Variants in SH3GLB2 observed in about 807,000 individuals in gnomAD.
SH3GLB2 encodes the protein SH3 domain containing GRB2 like, endophilin B2.
In SH3GLB2, 24 loss-of-function variants were observed where a neutral mutation model predicts 48.0. The observed-to-expected ratio is 0.50, with a 90% CI of 0.36 to 0.70. SH3GLB2 has a LOEUF of 0.70. Ranked by LOEUF, SH3GLB2 falls within the 30% of genes least tolerant of loss-of-function variation. The pLI is 0.00. For missense variants in SH3GLB2, 425 were observed against 516.0 expected (o/e 0.82, Z 1.71); for synonymous variants, 227 against 207.6 (o/e 1.09, Z -0.80).
In SH3GLB2 at chr9:129,014,856, G is replaced by A. The variant is rs200339423; in HGVS notation, c.383C>T (p.Ala128Val). ...VAEAEKQLGA[A>V]ERDFIHTASI... The stretch of plus-strand genomic sequence containing the variant: ...GGCCGTGTGGATAAAATCCCTCTCC[G>A]CGGCTCCCAGTTGCTTTTCAGCTTC... Residue 128 changes from alanine (A) to valine (V), a missense_variant, in exon 4 of 11, where the codon GCG (alanine) becomes GTG (valine). Ala to Val is a moderately conservative substitution (Grantham distance 64, BLOSUM62 0). Coordinates refer to ENST00000372564, the MANE Select transcript of SH3GLB2 (RefSeq NM_020145.4). This position sits in a 1 kb window ranked among gnomAD's most constrained non-coding sequence, Gnocchi z 4.1. 123 of 1,613,880 alleles carry A rather than the reference G, an allele frequency of 7.6e-5. No individual in the cohort carries two copies. The highest frequency in any genetic ancestry group is 3.2e-4 in the African/African-American group (24 of 74,868).
intron 1 of SH3GLB2, among the ~76,000 whole-genome samples, chr9:129,027,638 C>T (rs1206315569): frequency 1.3e-5 from 2 of 152,224 alleles, no homozygotes; most frequent in Admixed American, 1.3e-4. Flanking sequence ...CCATGAGGGA[C>T]TCATGGCACC....
At chr9:129,021,369 G>T in intron 2 of SH3GLB2, 150 bp from the exon 3 acceptor site, 1 of 977,418 alleles carries the variant, frequency 1.0e-6, no homozygotes, top group Non-Finnish European at 1.5e-6. Context: ...CCCTGAGACT[G>T]TTGTGATTGA....
chr9:129,022,476 T>A, intron 1 of SH3GLB2, 53 bp from the exon 2 acceptor site: 1 of 787,930 alleles, frequency 1.3e-6, no homozygotes, highest in South Asian at 2.4e-5. Context: ...CAGAAGGAGG[T>A]GGGGGAGTGG....
Position 129,014,310 on chromosome 9 carries a change from G to T in SH3GLB2, c.561+101C>A. 1.9e-6 allele frequency: 2 copies of T among 1,079,380 alleles called. No homozygotes were observed. Among genetic ancestry groups the T allele is most frequent in the Admixed American group, 2.1e-5 (1 of 47,972 alleles). 66.9% of individuals were successfully genotyped at this position (1,079,380 alleles called of 1,614,324 possible). On this transcript the variant is annotated intron_variant, in intron 5 of 10. Coordinates refer to ENST00000372564, the MANE Select transcript of SH3GLB2 (RefSeq NM_020145.4). The surrounding 1 kb of genome is among the most constrained non-coding windows in gnomAD (Gnocchi z 4.1). ...GCCAGGCATCTCCAGCCAGGGAGAG[G>T]GGAGAGAGGTCATGCCAAATACCAG...
Position 129,014,477 on chromosome 9 carries a change from C to T in SH3GLB2, c.495G>A (p.Arg165=). 6.4e-7 allele frequency: 1 copy of T among 1,551,228 alleles called. No individual in the cohort carries two copies. ...CTTTGCAGGCATCCAAGTCCAGACG[C>T]CGGTTTTGGAGGAGCCGCCTCTCCT... ...ISKERRLLQN[R]RLDLDACKAR... Residue 165 remains arginine (R), a synonymous_variant, in exon 5 of 11, where the codon CGG becomes CGA. Transcript: ENST00000372564. This position sits in a 1 kb window ranked among gnomAD's most constrained non-coding sequence, Gnocchi z 4.1.
rs865814015 is a variant in SH3GLB2 at position 129,014,451 on chromosome 9, G to A, written c.521C>T (p.Ala174Val). The A allele has an allele frequency of 4.5e-6, 7 of 1,550,680 alleles. No individual in the cohort carries two copies. The highest frequency in any genetic ancestry group is 1.2e-5 in the South Asian group (1 of 84,022). ...NRRLDLDACK[A>V]RLKKAKAAEA... ...TGCAGCCTTGGCCTTCTTCAGCCTC[G>A]CTTTGCAGGCATCCAAGTCCAGACG... is the stretch of plus-strand genomic sequence containing the variant. Residue 174 changes from alanine (A) to valine (V), a missense_variant, in exon 5 of 11, where the codon GCG (alanine) becomes GTG (valine). Physicochemically the swap from Ala to Val is moderately conservative, Grantham distance 64. Coordinates refer to ENST00000372564, the MANE Select transcript of SH3GLB2 (RefSeq NM_020145.4). This position sits in a 1 kb window ranked among gnomAD's most constrained non-coding sequence, Gnocchi z 4.1.
Position 129,021,099 on chromosome 9 carries a change from G to A in SH3GLB2, c.326C>T (p.Thr109Ile). ...CTGTGAGGCCTGCTCACCATAGGGG[G>A]TGGTCGGCCCCAGCTCACTGGCCGC... is the stretch of plus-strand genomic sequence containing the variant. Reference protein sequence around the residue: ...ADAASELGPTTPYGKTLIKVA... With the variant: ...ADAASELGPTIPYGKTLIKVA... The change falls in exon 3 of 11, where the codon ACC becomes ATC. Residue 109 changes from threonine (T) to isoleucine (I), a missense_variant. By Grantham distance (89) the Thr-to-Ile change is moderately conservative. Transcript: ENST00000372564. 1 of 1,608,166 alleles carries A rather than the reference G, an allele frequency of 6.2e-7. No individual in the cohort carries two copies. The highest frequency in any genetic ancestry group is 8.5e-7 in the Non-Finnish European group (1 of 1,177,274).
At chr9:129,021,344 C>T in intron 2 of SH3GLB2, 125 bp from the exon 3 acceptor site, 2 of 1,213,488 alleles carry the variant, frequency 1.6e-6, no homozygotes, top group Non-Finnish European at 1.1e-6. Flanking sequence ...AGAATACGCT[C>T]TTGCTCATGC....
Position 129,010,114 on chromosome 9 carries a change from A to T in SH3GLB2, c.738+6T>A. ...AGGTTTAGTGAGGGTGGGCAGTGGG[A>T]CTCACGTGAGTGCTACTGATTCCCT... On this transcript the variant is annotated splice_donor_region_variant and intron_variant, in intron 8 of 10. Transcript: ENST00000372564. The T allele has an allele frequency of 6.2e-7, 1 of 1,611,660 alleles. No individual in the cohort carries two copies. The highest frequency in any genetic ancestry group is 1.1e-5 in the South Asian group (1 of 91,020).
At chr9:129,009,734 G>A (rs749594978) in intron 9 of SH3GLB2, 37 bp downstream of exon 9, 3 of 1,572,778 alleles carry the variant, frequency 1.9e-6, no homozygotes, top group African/African-American at 2.7e-5. Flanking sequence ...ATGGGAGCCA[G>A]GGGGCCCCAG....
chr9:129,012,263 A>G lies in SH3GLB2; in HGVS notation c.597T>C (p.Asn199=). ...CGGAGGCGCTGGCCGAGAGAATGTA[A>G]TTACGAGGTCTAGTCTCCTGAAAGT... The part of the protein sequence containing the change: ...VPDFQETRPR[N]YILSASASAL... Residue 199 remains asparagine (N), a synonymous_variant, in exon 6 of 11, where the codon AAT becomes AAC. Coordinates refer to ENST00000372564, the MANE Select transcript of SH3GLB2 (RefSeq NM_020145.4). 7.7e-7 allele frequency: 1 copy of G among 1,301,160 alleles called. No homozygotes were observed. Among genetic ancestry groups the G allele is most frequent in the African/African-American group, 1.5e-5 (1 of 66,196 alleles). The allele number at this position is 1,301,160 out of a possible 1,614,324, so 80.6% of individuals were successfully genotyped here.
rs1842999509 is a variant in SH3GLB2, at chr9:129,009,812, C to G, written c.798G>C (p.Gln266His). ...GCAAGTCCAGCATGTGGCGGTAGCACTGTGCGTAGTAGGTTGTCTGAGACT... is the reference window on the plus strand; with the variant it reads ...GCAAGTCCAGCATGTGGCGGTAGCAGTGTGCGTAGTAGGTTGTCTGAGACT... Reference protein sequence around the residue: ...FVKSQTTYYAQCYRHMLDLQK... With the variant: ...FVKSQTTYYAHCYRHMLDLQK... Residue 266 changes from glutamine (Q) to histidine (H), a missense_variant, in exon 9 of 11, where the codon CAG becomes CAC. Coordinates refer to ENST00000372564, the MANE Select transcript of SH3GLB2 (RefSeq NM_020145.4). The G allele has an allele frequency of 6.2e-7, 1 of 1,614,016 alleles. No individual in the cohort carries two copies. The highest frequency in any genetic ancestry group is 2.2e-5 in the East Asian group (1 of 44,880).
chr9:129,022,826 T>G (rs1843893558), intron 1 of SH3GLB2, among the ~76,000 whole-genome samples: 1 of 151,088 alleles, frequency 6.6e-6, no homozygotes, highest in Non-Finnish European at 1.5e-5. Context: ...GGGCAGGGAG[T>G]AGGGTCTGGG....
At chr9:129,018,306 A>G (rs530952646) in intron 3 of SH3GLB2, among the ~76,000 whole-genome samples, 205 of 152,306 alleles carry the variant, frequency 1.3e-3, no homozygotes, top group African/African-American at 4.0e-3. Flanking sequence ...GGCTGGGCGC[A>G]GTGGCTCACG....
Position 129,021,195 on chromosome 9 carries a change from T to C in SH3GLB2, c.230A>G (p.Tyr77Cys), listed in dbSNP as rs567289801. 2.9e-5 allele frequency: 47 copies of C among 1,610,664 alleles called. 2 individuals carry two copies. The South Asian group carries it at 5.2e-4, about 18-fold the overall frequency. Residue 77 changes from tyrosine to cysteine, a missense_variant, in exon 3 of 11, where the codon TAT becomes TGT. Tyr to Cys is a radical substitution (Grantham distance 194). Transcript: ENST00000372564. Reference protein sequence around the residue: ...NPSARVEEFLYEKLDRKVPSR... With the variant: ...NPSARVEEFLCEKLDRKVPSR... ...GGGGACCTTCCTGTCCAGCTTCTCA[T>C]ACAGGAACTCCTCCACTCGGGCACC...
At chr9:129,013,317 A>AG in intron 5 of SH3GLB2, 2 of 484,792 alleles carry the variant, frequency 4.1e-6, no homozygotes. Flanking sequence ...CCACCAGGTG[A>AG]GGGAGAGGCC....
chr9:129,016,948 G>C (rs1367613135), intron 3 of SH3GLB2, among the ~76,000 whole-genome samples: 1 of 143,456 alleles, frequency 7.0e-6, no homozygotes, highest in African/African-American at 2.6e-5. Flanking sequence ...TGAATACTCT[G>C]CTCTTTTTTT....
intron 3 of SH3GLB2, among the ~76,000 whole-genome samples, chr9:129,020,438 G>C (rs1163877199): frequency 6.6e-6 from 1 of 150,852 alleles, no homozygotes; most frequent in Non-Finnish European, 1.5e-5. Flanking sequence ...GTGTGGTGGC[G>C]GGCTCCTGTA....
chr9:129,018,303 C>A (rs558026189), intron 3 of SH3GLB2, among the ~76,000 whole-genome samples: 1 of 152,142 alleles, frequency 6.6e-6, no homozygotes, highest in Non-Finnish European at 1.5e-5. Context: ...ATTGGCTGGG[C>A]GCAGTGGCTC....
Sources: gnomAD v4.1 joint callset for allele counts (sites outside exome capture counted in the v4.1 genomes callset) on GRCh38, gnomAD v4.1.1 for gene constraint, Gnocchi (gnomAD v3.1) non-coding constraint, MANE v1.5 for transcripts, NCBI Gene and HGNC (gene_info 2026-07-23, HGNC 2026-07-21) for gene names.